Variants in PLXDC2 observed in about 807,000 individuals in gnomAD.
The protein encoded by PLXDC2 is plexin domain containing 2, also known as plexin domain-containing protein 2.
In PLXDC2, 40 loss-of-function variants were observed where a neutral mutation model predicts 68.9. That is an observed-to-expected ratio of 0.58 (90% CI 0.45 to 0.76). The LOEUF (loss-of-function observed/expected upper bound fraction) is 0.76, where lower values mean the gene tolerates loss of function less well. PLXDC2 is among the 30% of genes least tolerant of loss of function. The pLI, the probability that PLXDC2 is intolerant of heterozygous loss-of-function variation, is 0.00. For missense variants in PLXDC2, 644 were observed against 661.9 expected (o/e 0.97, Z 0.30); for synonymous variants, 243 against 234.2 (o/e 1.04, Z -0.34).
intron 1 of PLXDC2, among the ~76,000 whole-genome samples, chr10:19,999,002 G>T (rs1186894249): frequency 6.6e-6 from 1 of 152,152 alleles, no homozygotes; most frequent in African/African-American, 2.4e-5. Context: ...TTCAACTTAA[G>T]TGGGAAATAG....
At chr10:20,245,595 G>T in intron 13 of PLXDC2, 90 bp downstream of exon 13, 1 of 1,399,250 alleles carries the variant, frequency 7.1e-7, no homozygotes, top group South Asian at 1.4e-5. Context: ...TTTACCACAT[G>T]GCTTCTCCAT....
At chr10:19,860,658 C>G (rs1327862000) in intron 1 of PLXDC2, among the ~76,000 whole-genome samples, 1 of 152,134 alleles carries the variant, frequency 6.6e-6, no homozygotes, top group East Asian at 1.9e-4. Context: ...CAATAAATAT[C>G]TACTATACCC....
chr10:19,942,871 G>C (rs1435488563), intron 1 of PLXDC2, among the ~76,000 whole-genome samples: 1 of 152,096 alleles, frequency 6.6e-6, no homozygotes, highest in Non-Finnish European at 1.5e-5. Context: ...ATATTATATC[G>C]TTTTATCCTT....
At chr10:19,982,664 TG>T (rs1489585344) in intron 1 of PLXDC2, among the ~76,000 whole-genome samples, 1 of 152,178 alleles carries the variant, frequency 6.6e-6, no homozygotes, top group Non-Finnish European at 1.5e-5. Context: ...TAAGTTTTTT[TG>T]TTGTTCTTTT....
intron 2 of PLXDC2, among the ~76,000 whole-genome samples, chr10:20,013,445 T>C (rs1287890647): frequency 6.6e-6 from 1 of 152,208 alleles, no homozygotes; most frequent in African/African-American, 2.4e-5. Context: ...TCTTTTGTGG[T>C]TTAATGAAAA....
chr10:19,983,435 G>A (rs72789658), intron 1 of PLXDC2, among the ~76,000 whole-genome samples: 8,015 of 152,150 alleles, frequency 0.053, 275 homozygotes, highest in Middle Eastern at 0.092. Context: ...TTTTGTTCTT[G>A]GAGGATAAAT....
At chr10:19,923,527 T>C (rs974761838) in intron 1 of PLXDC2, among the ~76,000 whole-genome samples, 17 of 152,210 alleles carry the variant, frequency 1.1e-4, no homozygotes, top group African/African-American at 3.9e-4. Context: ...ATACTTTTCA[T>C]TTGATATGGG....
At chr10:19,858,980 A>G (rs910731877) in intron 1 of PLXDC2, among the ~76,000 whole-genome samples, 2 of 150,948 alleles carry the variant, frequency 1.3e-5, no homozygotes, top group Non-Finnish European at 3.0e-5. Context: ...TCATGGTGGA[A>G]GGTGAAGGGA....
chr10:20,229,933 A>T (rs1269838981), intron 12 of PLXDC2, among the ~76,000 whole-genome samples: 1 of 152,230 alleles, frequency 6.6e-6, no homozygotes, highest in Admixed American at 6.5e-5. Flanking sequence ...TAAAGAAAAA[A>T]AATGCAAAAA....
chr10:20,068,289 A>G (rs761506309), intron 4 of PLXDC2, 50 bp downstream of exon 4: 3 of 1,425,490 alleles, frequency 2.1e-6, no homozygotes, highest in Non-Finnish European at 2.9e-6. Context: ...GTTTGACTGC[A>G]GTTATTATTT....
At chr10:20,092,912 A>C (rs926380137) in intron 4 of PLXDC2, among the ~76,000 whole-genome samples, 1 of 152,098 alleles carries the variant, frequency 6.6e-6, no homozygotes, top group Non-Finnish European at 1.5e-5. Context: ...GAGATAAAGA[A>C]CACATTCTCT....
intron 1 of PLXDC2, among the ~76,000 whole-genome samples, chr10:19,995,335 G>A (rs1350548961): frequency 1.3e-5 from 2 of 152,148 alleles, no homozygotes; most frequent in Admixed American, 6.5e-5. Flanking sequence ...AAAATTCCAA[G>A]AGTCCTTTCC....
intron 4 of PLXDC2, among the ~76,000 whole-genome samples, chr10:20,089,282 A>G (rs1423227405): frequency 6.6e-6 from 1 of 151,906 alleles, no homozygotes; most frequent in Non-Finnish European, 1.5e-5. Context: ...TTTCCAATGT[A>G]TGAGTCATGA....
In PLXDC2 at chr10:19,877,698, T is replaced by C. The variant is rs1589514917; in HGVS notation, c.112+60507T>C. Among the ~76,000 whole-genome samples the C allele has an allele frequency of 2.0e-5, 3 of 152,356 alleles. No individual in the cohort carries two copies. The South Asian group carries it at 6.2e-4, about 32-fold the overall frequency. On this transcript the variant is annotated intron_variant, in intron 1 of 13. Transcript: ENST00000377252. ...GAATGACCTAATGGAGCAAAACTAC[T>C]CTCTCGGCCTGGCCGCCTGCCTGCC...
At chr10:20,054,580 G>A (rs141503867) in intron 3 of PLXDC2, among the ~76,000 whole-genome samples, 198 of 152,020 alleles carry the variant, frequency 1.3e-3, no homozygotes, top group African/African-American at 4.6e-3. Flanking sequence ...GGAAACCATC[G>A]TTCTCAGCAA....
chr10:20,220,838 CTTTTTTTTT>C (rs4026632), intron 12 of PLXDC2, among the ~76,000 whole-genome samples: 5 of 116,520 alleles, frequency 4.3e-5, no homozygotes, highest in Non-Finnish European at 6.7e-5. Context: ...GCTCTTAACA[CTTTTTTTTT>C]TTTTTTTTTT....
At chr10:19,866,711 A>T (rs948640252) in intron 1 of PLXDC2, among the ~76,000 whole-genome samples, 2 of 152,218 alleles carry the variant, frequency 1.3e-5, no homozygotes, top group Non-Finnish European at 1.5e-5. Context: ...ATAGGCTGCT[A>T]CTGCTTAAGA....
At chr10:20,177,142 A>G (rs1393359041) in intron 8 of PLXDC2, 48 bp downstream of exon 8, 5 of 1,464,078 alleles carry the variant, frequency 3.4e-6, no homozygotes, top group Non-Finnish European at 4.8e-6. Flanking sequence ...TCTAAATTTG[A>G]TGATCTGATC....
intron 4 of PLXDC2, among the ~76,000 whole-genome samples, chr10:20,072,150 G>A (rs9663749): frequency 0.47 from 71,391 of 151,422 alleles, 20,609 homozygotes; most frequent in African/African-American, 0.81. Flanking sequence ...AGTTTGGATC[G>A]CCTGAGGTCC....
Sources: allele counts gnomAD v4.1 joint callset (sites outside exome capture counted in the v4.1 genomes callset), GRCh38; gene constraint gnomAD v4.1.1; transcripts MANE v1.5; gene names NCBI Gene and HGNC (gene_info 2026-07-23, HGNC 2026-07-21).